NRXN3: variants seen among roughly 807,000 people sequenced by gnomAD.
NRXN3 encodes neurexin 3, also known as neurexin III.
NRXN3 carries 32 observed loss-of-function variants against 137.6 expected under a neutral mutation model. The observed-to-expected ratio is 0.23, with a 90% CI of 0.18 to 0.31. The LOEUF (loss-of-function observed/expected upper bound fraction) is 0.31. Among genes scored for constraint, NRXN3 ranks in the 10% least tolerant of loss-of-function variants. NRXN3 has a pLI of 1.00. For synonymous variants in NRXN3, 798 were observed against 784.5 expected, an observed-to-expected ratio of 1.02 and a Z score of -0.29; for missense variants, 1,574 against 2,062.5, an observed-to-expected ratio of 0.76 and a Z score of 4.59.
intron 1 of NRXN3, chr14:78,177,751 C>T (rs1325411183): frequency 6.6e-6 from 1 of 152,186 alleles, no homozygotes; most frequent in African/African-American, 2.4e-5. Context: ...CACTTACCCC[C>T]ACTTTCTGAA....
intron 16 of NRXN3, among the ~76,000 whole-genome samples, chr14:79,551,432 A>G (rs1489124876): frequency 6.6e-6 from 1 of 152,208 alleles, no homozygotes; most frequent in Non-Finnish European, 1.5e-5. Flanking sequence ...ATTTTATGTT[A>G]ATGGATTCGG....
intron 4 of NRXN3, among the ~76,000 whole-genome samples, chr14:78,363,915 A>G (rs1251879370): frequency 1.3e-5 from 2 of 152,184 alleles, no homozygotes; most frequent in Non-Finnish European, 2.9e-5. Flanking sequence ...GATTTCCTCT[A>G]TGGAGCCCTC....
intron 19 of NRXN3, among the ~76,000 whole-genome samples, chr14:79,747,332 A>G (rs1446387924): frequency 1.3e-5 from 2 of 151,886 alleles, no homozygotes; most frequent in Non-Finnish European, 2.9e-5. Context: ...ACATGATAAA[A>G]TTTCATTTCA....
chr14:79,133,055 A>G (rs146787195), intron 15 of NRXN3, among the ~76,000 whole-genome samples: 9 of 152,350 alleles, frequency 5.9e-5, no homozygotes, highest in African/African-American at 2.2e-4. Flanking sequence ...AAGGCTGTCT[A>G]TGGACAGCAC....
chr14:78,322,151 G>A (rs1263224402), intron 4 of NRXN3, among the ~76,000 whole-genome samples: 1 of 151,822 alleles, frequency 6.6e-6, no homozygotes, highest in African/African-American at 2.4e-5. Context: ...AGCCTTCATG[G>A]GTTATTAGGG....
At chr14:79,857,812 T>A (rs2099405987) in intron 20 of NRXN3, among the ~76,000 whole-genome samples, 1 of 152,192 alleles carries the variant, frequency 6.6e-6, no homozygotes, top group South Asian at 2.1e-4. Flanking sequence ...TTCCCACTTC[T>A]TGAGAAGCCA....
At chr14:78,801,045 G>A (rs2098837249) in intron 8 of NRXN3, among the ~76,000 whole-genome samples, 3 of 152,216 alleles carry the variant, frequency 2.0e-5, no homozygotes, top group Admixed American at 2.0e-4. Flanking sequence ...CATGAGGCCG[G>A]GCGCAGTGGC....
Position 78,172,432 on chromosome 14 carries a change from G to A in NRXN3, c.-704+1758G>A, listed in dbSNP as rs7148402. Among the ~76,000 whole-genome samples the A allele has an allele frequency of 7.9e-3, 1,201 of 152,196 alleles. 18 individuals are homozygous for A. The highest frequency in any genetic ancestry group is 0.035 in the Admixed American group (535 of 15,294). ...AAGGGCTACTGGGTATGTGGCGGAA[G>A]GATGGAGGGGAGTGAGAGGAGGCAA... On this transcript the variant is annotated intron_variant, in intron 1 of 20. Coordinates refer to ENST00000335750, the MANE Select transcript of NRXN3 (RefSeq NM_001330195.2).
chr14:79,274,621 G>C (rs75847484), intron 15 of NRXN3, among the ~76,000 whole-genome samples: 1 of 134,648 alleles, frequency 7.4e-6, no homozygotes, highest in Non-Finnish European at 1.6e-5. Flanking sequence ...GAGTAAAAGA[G>C]AAAAAAAAAA....
chr14:78,189,305 G>A (rs1405646917), intron 1 of NRXN3, among the ~76,000 whole-genome samples: 2 of 152,156 alleles, frequency 1.3e-5, no homozygotes, highest in African/African-American at 4.8e-5. Flanking sequence ...TCTCCACTCA[G>A]CAGGCTGGAG....
chr14:79,090,322 C>A (rs1476573657), intron 15 of NRXN3, among the ~76,000 whole-genome samples: 1 of 152,056 alleles, frequency 6.6e-6, no homozygotes, highest in African/African-American at 2.4e-5. Flanking sequence ...GATGAAAATT[C>A]CTTAGGCCTT....
In NRXN3 at chr14:78,938,937, T is replaced by C. The variant is rs569515633; in HGVS notation, c.2276-18305T>C. Among the ~76,000 whole-genome samples the C allele has an allele frequency of 2.0e-4, 30 of 149,350 alleles. No individual in the cohort carries two copies. In the Middle Eastern group the frequency reaches 0.017, roughly 86 times the overall value. ...TCGGCTCACTGCAGGCTCCGCCCCC[T>C]GGGGTTCACGCCATTCTCCTGCCTC... On this transcript the variant is annotated intron_variant, in intron 10 of 20. Coordinates refer to ENST00000335750, the MANE Select transcript of NRXN3 (RefSeq NM_001330195.2).
chr14:79,825,406 G>A (rs1430057658), intron 20 of NRXN3, among the ~76,000 whole-genome samples: 1 of 152,088 alleles, frequency 6.6e-6, no homozygotes, highest in Non-Finnish European at 1.5e-5. Flanking sequence ...TTCAGAAGTA[G>A]TGAAGCTAGG....
chr14:78,252,568 T>C (rs562360316), intron 2 of NRXN3, among the ~76,000 whole-genome samples: 64 of 152,350 alleles, frequency 4.2e-4, no homozygotes, highest in Non-Finnish European at 6.0e-4. Context: ...CTGACACTTT[T>C]GCCTCTGATC....
chr14:78,798,701 T>G (rs1413048053), intron 8 of NRXN3, among the ~76,000 whole-genome samples: 4 of 152,362 alleles, frequency 2.6e-5, no homozygotes, highest in Non-Finnish European at 5.9e-5. Flanking sequence ...GGAGCCCATC[T>G]CTGCCTAGAC....
At chr14:79,055,209 G>A (rs2099656080) in intron 15 of NRXN3, among the ~76,000 whole-genome samples, 1 of 152,100 alleles carries the variant, frequency 6.6e-6, no homozygotes, top group African/African-American at 2.4e-5. Context: ...ATAAGAAGAC[G>A]GCTTTTTAAA....
At chr14:79,163,291 T>C (rs1353886018) in intron 15 of NRXN3, among the ~76,000 whole-genome samples, 1 of 151,982 alleles carries the variant, frequency 6.6e-6, no homozygotes, top group Non-Finnish European at 1.5e-5. Context: ...AAACAAGTAC[T>C]GTACTCTTCT....
chr14:79,030,163 G>A (rs2099605267), intron 15 of NRXN3, among the ~76,000 whole-genome samples: 1 of 150,530 alleles, frequency 6.6e-6, no homozygotes, highest in African/African-American at 2.5e-5. Flanking sequence ...TTGCAGGTGT[G>A]AGCCACCACG....
intron 1 of NRXN3, among the ~76,000 whole-genome samples, chr14:78,209,471 A>G (rs2153409454): frequency 6.6e-6 from 1 of 152,350 alleles, no homozygotes; most frequent in African/African-American, 2.4e-5. Context: ...TAATTTATAA[A>G]GAAAAGAATT....
Sources: gnomAD v4.1 joint callset for allele counts (sites outside exome capture counted in the v4.1 genomes callset) on GRCh38, gnomAD v4.1.1 for gene constraint, MANE v1.5 for transcripts, NCBI Gene and HGNC (gene_info 2026-07-23, HGNC 2026-07-21) for gene names.